SEC24B: variants seen among roughly 807,000 people sequenced by gnomAD.
The protein encoded by SEC24B is protein transport protein Sec24B.
SEC24B carries 45 observed loss-of-function variants against 142.8 expected under a neutral mutation model. The ratio of observed to expected loss-of-function variants is 0.32; its 90% CI spans 0.25 to 0.40. The LOEUF is 0.40. SEC24B is among the 10% of genes least tolerant of loss of function. The pLI, the probability that SEC24B is intolerant of heterozygous loss-of-function variation, is 1.00. For synonymous variants in SEC24B, 574 were observed against 568.2 expected (o/e 1.01, Z -0.15); for missense variants, 1,409 against 1,526.8 (o/e 0.92, Z 1.29).
intron 1 of SEC24B, among the ~76,000 whole-genome samples, chr4:109,437,340 G>A (rs767625886): frequency 7.9e-5 from 12 of 152,084 alleles, no homozygotes; most frequent in Non-Finnish European, 1.6e-4. Context: ...GCTGGAGTCA[G>A]TGACTCCATC....
intron 6 of SEC24B, among the ~76,000 whole-genome samples, chr4:109,498,196 T>C (rs1160737609): frequency 6.6e-6 from 1 of 152,204 alleles, no homozygotes; most frequent in African/African-American, 2.4e-5. Flanking sequence ...TATTTTTGTC[T>C]GATCTGAATT....
At chr4:109,528,868 G>A (rs1326094547) in intron 18 of SEC24B, among the ~76,000 whole-genome samples, 6 of 152,126 alleles carry the variant, frequency 3.9e-5, no homozygotes, top group Non-Finnish European at 8.8e-5. Flanking sequence ...TTAAATAACA[G>A]AAGCATTTAA....
chr4:109,455,148 G>C (rs1231527546), intron 1 of SEC24B, among the ~76,000 whole-genome samples: 1 of 152,174 alleles, frequency 6.6e-6, no homozygotes. Flanking sequence ...GGGCCAAGGG[G>C]AGCTGCCCCT....
Position 109,532,807 on chromosome 4 carries a change from A to AG in SEC24B, c.3495+64_3495+65insG. 5 of 810,466 alleles carry AG rather than the reference A, an allele frequency of 6.2e-6. No individual in the cohort carries two copies. In the South Asian group the frequency reaches 7.3e-5, roughly 12 times the overall value. The allele number at this position is 810,466 out of a possible 1,614,324, so 50.2% of individuals were successfully genotyped here. A position where few individuals can be genotyped will look rare whatever the true frequency, so the allele number is the denominator to read the frequency against. On this transcript the variant is annotated intron_variant, in intron 21 of 23. Coordinates refer to ENST00000265175, the MANE Select transcript of SEC24B (RefSeq NM_006323.5). Reference sequence around the variant, plus strand: ...GCTGACCAAAAACAAAGAAACACTTATAGGGTCCAGCTGTTATCACAGAGC... The same window carrying AG: ...GCTGACCAAAAACAAAGAAACACTTAGTAGGGTCCAGCTGTTATCACAGAGC...
At position 109,521,141 on chromosome 4, in the gene SEC24B, G is replaced by C; in HGVS notation, c.2270G>C (p.Ser757Thr). 1 of 1,521,390 alleles carries C rather than the reference G, an allele frequency of 6.6e-7. No homozygotes were observed. Among genetic ancestry groups the C allele is most frequent in the Non-Finnish European group, 9.1e-7 (1 of 1,100,226 alleles). The allele number at this position is 1,521,390 out of a possible 1,614,324, so 94.2% of individuals were successfully genotyped here. A position where few individuals can be genotyped will look rare whatever the true frequency, so the allele number is the denominator to read the frequency against. Residue 757 changes from serine (S) to threonine (T), a missense_variant, in exon 13 of 24, where the codon AGT (serine) becomes ACT (threonine). Transcript: ENST00000265175. ...IDDVFLPTPD[S>T]LLVNLYESKE... ...GATGTTTTTCTACCTACACCGGATA[G>C]TTTACTTGTGAATCTATATGAAAGT...
intron 1 of SEC24B, among the ~76,000 whole-genome samples, chr4:109,459,671 A>T (rs1246639998): frequency 1.3e-5 from 2 of 152,126 alleles, no homozygotes; most frequent in Non-Finnish European, 2.9e-5. Flanking sequence ...CTGGTGGGCA[A>T]CTCACTTCTG....
rs184648039 is a variant in SEC24B, at chr4:109,467,434, C to T, written c.877+3790C>T. On this transcript the variant is annotated intron_variant, in intron 2 of 23. Transcript: ENST00000265175. Reference sequence around the variant, plus strand: ...GGCTAGTGTTTAAAAGGTGTCATTTCGTTAGGCCATTTAAAAATTTTAAAA... The same window carrying T: ...GGCTAGTGTTTAAAAGGTGTCATTTTGTTAGGCCATTTAAAAATTTTAAAA... Among the ~76,000 whole-genome samples the T allele has an allele frequency of 1.1e-3, 167 of 150,932 alleles. No homozygotes were observed. In the East Asian group the frequency reaches 0.011, roughly 10 times the overall value.
At chr4:109,525,779 G>A (rs750152437) in intron 16 of SEC24B, among the ~76,000 whole-genome samples, 1 of 152,212 alleles carries the variant, frequency 6.6e-6, no homozygotes, top group South Asian at 2.1e-4. Context: ...TAGAGGAATA[G>A]GGAAGATCTT....
At chr4:109,510,582 T>C (rs1050607129) in intron 8 of SEC24B, among the ~76,000 whole-genome samples, 1 of 152,164 alleles carries the variant, frequency 6.6e-6, no homozygotes, top group East Asian at 1.9e-4. Flanking sequence ...GAGTTCTTTA[T>C]TAAACACAAA....
intron 1 of SEC24B, among the ~76,000 whole-genome samples, chr4:109,455,313 G>A (rs996546242): frequency 1.3e-5 from 2 of 151,610 alleles, no homozygotes; most frequent in African/African-American, 4.9e-5. Context: ...GTGGTGGTGC[G>A]ATCTTGGCTT....
At chr4:109,530,619 G>C (rs968997326) in intron 19 of SEC24B, among the ~76,000 whole-genome samples, 155 bp downstream of exon 19, 5 of 151,910 alleles carry the variant, frequency 3.3e-5, no homozygotes, top group African/African-American at 1.2e-4. Flanking sequence ...AAGATCAATG[G>C]GGCCATGCAT....
In SEC24B at chr4:109,525,336, C is replaced by T. The variant is rs1307666551; in HGVS notation, c.2633-10C>T. ...TCTATAGCTAATACTTTTTGTATTT[C>T]TCTCTAAAGCTTGCATGTCCAAGTA... On this transcript the variant is annotated splice_polypyrimidine_tract_variant and intron_variant, in intron 15 of 23. Transcript: ENST00000265175. 1.9e-6 allele frequency: 3 copies of T among 1,558,630 alleles called. No individual in the cohort carries two copies. Among genetic ancestry groups the T allele is most frequent in the Admixed American group, 4.0e-5 (2 of 50,502 alleles).
intron 3 of SEC24B, among the ~76,000 whole-genome samples, chr4:109,481,252 G>A (rs549186870): frequency 6.6e-6 from 1 of 152,242 alleles, no homozygotes; most frequent in African/African-American, 2.4e-5. Flanking sequence ...GGGGTACCAC[G>A]TATGTGTTTT....
rs371088252 is a variant in SEC24B at position 109,520,530 on chromosome 4, A to T, written c.2245+46A>T. 1.3e-5 allele frequency: 14 copies of T among 1,067,964 alleles called. No individual in the cohort carries two copies. In the African/African-American group the frequency reaches 2.0e-4, roughly 16 times the overall value. 66.2% of individuals were successfully genotyped at this position (1,067,964 alleles called of 1,614,324 possible). A position where few individuals can be genotyped will look rare whatever the true frequency, so the allele number is the denominator to read the frequency against. On this transcript the variant is annotated intron_variant, in intron 12 of 23. Coordinates refer to ENST00000265175, the MANE Select transcript of SEC24B (RefSeq NM_006323.5). ...AAGCCTTTCTAACTACGGACTTTGA[A>T]ATGGGGGCTACTTTATTTTAATATA...
At chr4:109,445,494 C>T (rs1050113710) in intron 1 of SEC24B, among the ~76,000 whole-genome samples, 25 of 151,396 alleles carry the variant, frequency 1.7e-4, no homozygotes, top group South Asian at 6.3e-4. Context: ...CCTCGTGATC[C>T]GCCCGTCTCA....
intron 20 of SEC24B, among the ~76,000 whole-genome samples, chr4:109,532,431 G>A (rs1237722066): frequency 2.0e-5 from 3 of 152,026 alleles, no homozygotes; most frequent in Admixed American, 1.3e-4. Flanking sequence ...ATCATTTTAT[G>A]TATTCATGTT....
chr4:109,522,209 C>G (rs944762970), intron 14 of SEC24B, among the ~76,000 whole-genome samples: 12 of 151,946 alleles, frequency 7.9e-5, no homozygotes, highest in African/African-American at 2.9e-4. Context: ...TGCCACCACA[C>G]CTGGCTAATT....
At chr4:109,509,968 C>A in intron 7 of SEC24B, 41 bp from the exon 8 acceptor site, 1 of 1,265,788 alleles carries the variant, frequency 7.9e-7, no homozygotes. Flanking sequence ...GTATTTTTCT[C>A]TGATAGCTAA....
intron 4 of SEC24B, chr4:109,488,804 G>A (rs1043100497): frequency 2.4e-5 from 4 of 167,466 alleles, no homozygotes; most frequent in African/African-American, 9.7e-5. Context: ...CATCCTAGTG[G>A]ATGTGAAATG....
Sources: gnomAD v4.1 joint callset for allele counts (sites outside exome capture counted in the v4.1 genomes callset) on GRCh38, gnomAD v4.1.1 for gene constraint, MANE v1.5 for transcripts, NCBI Gene and HGNC (gene_info 2026-07-23, HGNC 2026-07-21) for gene names.